The following ELK3 variants were observed in gnomAD, a reference collection of about 807,000 sequenced individuals.
ELK3 encodes the protein ETS transcription factor ELK3.
Under a neutral mutation model 28.9 loss-of-function variants are expected in ELK3, and 10 were observed. That is an observed-to-expected ratio of 0.35 (90% confidence interval 0.21 to 0.59). The LOEUF (loss-of-function observed/expected upper bound fraction) is 0.59, where lower values mean the gene tolerates loss of function less well. Among genes scored for constraint, ELK3 ranks in the 20% least tolerant of loss-of-function variants. The pLI is 0.82. For missense variants in ELK3, 463 were observed against 517.3 expected, an observed-to-expected ratio of 0.90 and a Z score of 1.02; for synonymous variants, 272 against 243.5, an observed-to-expected ratio of 1.12 and a Z score of -1.09.
intron 4 of ELK3, among the ~76,000 whole-genome samples, chr12:96,261,399 G>A (rs1184421593): frequency 1.3e-5 from 2 of 152,154 alleles, no homozygotes; most frequent in African/African-American, 4.8e-5. Context: ...AAAAAGCAAT[G>A]AGCAAATGTT....
intron 4 of ELK3, among the ~76,000 whole-genome samples, chr12:96,262,016 A>AATT (rs1253353300): frequency 8.1e-6 from 1 of 124,192 alleles, no homozygotes; most frequent in Non-Finnish European, 1.7e-5. Flanking sequence ...CCTGATAAAA[A>AATT]CTTTTTTTTT....
rs903053865 is a variant in ELK3, at chr12:96,247,854, G to A, written c.1002+120G>A. On this transcript the variant is annotated intron_variant, in intron 3 of 4. Transcript: ENST00000228741. The surrounding 1 kb of genome is among the most constrained non-coding windows in gnomAD (Gnocchi z 5.5). Reference sequence around the variant, plus strand: ...ACGTTGTCCTATGACTCGTACCGAGGTCACTGTGTAAATGTGAAGGGAAGC... The same window carrying A: ...ACGTTGTCCTATGACTCGTACCGAGATCACTGTGTAAATGTGAAGGGAAGC... 4.8e-6 allele frequency: 6 copies of A among 1,244,428 alleles called. No homozygotes were observed. Among genetic ancestry groups the A allele is most frequent in the Non-Finnish European group, 6.5e-6 (6 of 927,734 alleles). The allele number at this position is 1,244,428 out of a possible 1,614,324, so 77.1% of individuals were successfully genotyped here. A position where few individuals can be genotyped will look rare whatever the true frequency, so the allele number is the denominator to read the frequency against.
intron 4 of ELK3, among the ~76,000 whole-genome samples, chr12:96,260,532 T>G (rs923664491): frequency 6.6e-6 from 1 of 152,070 alleles, no homozygotes; most frequent in Non-Finnish European, 1.5e-5. Flanking sequence ...CTTAGCTGCT[T>G]TATCTTATAG....
chr12:96,205,030 G>A (rs1280602501), intron 1 of ELK3, among the ~76,000 whole-genome samples: 1 of 152,184 alleles, frequency 6.6e-6, no homozygotes, highest in East Asian at 1.9e-4. Flanking sequence ...TGAGAGAATG[G>A]GACAATAGGT....
At chr12:96,199,203 G>C (rs907961240) in intron 1 of ELK3, among the ~76,000 whole-genome samples, 2 of 152,146 alleles carry the variant, frequency 1.3e-5, no homozygotes, top group Non-Finnish European at 2.9e-5. Context: ...AGAGAAACCA[G>C]GTTAAACTGA....
At chr12:96,204,112 C>T (rs1263905982) in intron 1 of ELK3, among the ~76,000 whole-genome samples, 1 of 151,798 alleles carries the variant, frequency 6.6e-6, no homozygotes, top group Non-Finnish European at 1.5e-5. Context: ...TGAGAGTGGT[C>T]GGTTAACAGT....
At chr12:96,206,763 G>A (rs983204850) in intron 1 of ELK3, among the ~76,000 whole-genome samples, 43 of 152,184 alleles carry the variant, frequency 2.8e-4, no homozygotes, top group African/African-American at 1.0e-3. Flanking sequence ...ATGCCCATGT[G>A]GGAATTAAGG....
chr12:96,206,504 A>G (rs142922551), intron 1 of ELK3, among the ~76,000 whole-genome samples: 75 of 151,942 alleles, frequency 4.9e-4, no homozygotes, highest in African/African-American at 1.8e-3. Context: ...TTTAGTAGAG[A>G]TGTTGGCCAG....
chr12:96,258,721 G>C (rs1431510743), intron 3 of ELK3, among the ~76,000 whole-genome samples: 1 of 152,166 alleles, frequency 6.6e-6, no homozygotes, highest in Non-Finnish European at 1.5e-5. Context: ...CTGCCCTCCT[G>C]CTGGCTTGCA....
At chr12:96,240,801 G>A (rs2300552) in intron 2 of ELK3, among the ~76,000 whole-genome samples, 74,535 of 152,012 alleles carry the variant, frequency 0.49, 19,100 homozygotes, top group East Asian at 0.58. Context: ...CCAGAATGAC[G>A]AGGAACTCGC....
At chr12:96,238,227 G>A (rs1387215645) in intron 2 of ELK3, among the ~76,000 whole-genome samples, 1 of 152,358 alleles carries the variant, frequency 6.6e-6, no homozygotes, top group East Asian at 1.9e-4. Context: ...CACTGGGTGA[G>A]GGTCATGTTG....
chr12:96,216,861 C>T (rs757221817), intron 1 of ELK3, among the ~76,000 whole-genome samples: 5 of 152,172 alleles, frequency 3.3e-5, no homozygotes, highest in South Asian at 4.1e-4. Flanking sequence ...CCAGACAGGA[C>T]GAGTCTTTGC....
At chr12:96,201,392 A>G (rs1468201835) in intron 1 of ELK3, among the ~76,000 whole-genome samples, 1 of 152,052 alleles carries the variant, frequency 6.6e-6, no homozygotes, top group Non-Finnish European at 1.5e-5. Context: ...AGGCTGAAGC[A>G]GGCAGATCAC....
chr12:96,260,893 T>A (rs145443412), intron 4 of ELK3, among the ~76,000 whole-genome samples: 1 of 152,200 alleles, frequency 6.6e-6, no homozygotes, highest in African/African-American at 2.4e-5. Context: ...TGATTGCCTG[T>A]TGATCTGGCA....
At chr12:96,228,324 A>G (rs1370912596) in intron 2 of ELK3, among the ~76,000 whole-genome samples, 1 of 146,242 alleles carries the variant, frequency 6.8e-6, no homozygotes, top group Admixed American at 7.0e-5. Context: ...AGGCTGAGGC[A>G]GGAGAATCGC....
chr12:96,223,484 C>T, intron 1 of ELK3, 81 bp from the exon 2 acceptor site: 1 of 1,390,706 alleles, frequency 7.2e-7, no homozygotes, highest in Admixed American at 1.7e-5. Context: ...CTGAGTTGCC[C>T]ATTCTGAAGC....
At chr12:96,257,580 G>A (rs1376648439) in intron 3 of ELK3, among the ~76,000 whole-genome samples, 1 of 152,182 alleles carries the variant, frequency 6.6e-6, no homozygotes, top group African/African-American at 2.4e-5. Context: ...TGTGTTTTGT[G>A]GTTTAGAAGA....
chr12:96,196,342 G>T (rs1229674575), intron 1 of ELK3, among the ~76,000 whole-genome samples: 1 of 151,968 alleles, frequency 6.6e-6, no homozygotes, highest in Non-Finnish European at 1.5e-5. Flanking sequence ...TTTCCCGCGT[G>T]TGTATGTGTG....
At chr12:96,195,234 A>G (rs1951455284) in intron 1 of ELK3, among the ~76,000 whole-genome samples, 1 of 151,708 alleles carries the variant, frequency 6.6e-6, no homozygotes, top group Non-Finnish European at 1.5e-5. Context: ...GGAGGAAGAC[A>G]GGGATGGAGA....
Sources: allele counts gnomAD v4.1 joint callset (sites outside exome capture counted in the v4.1 genomes callset), GRCh38; gene constraint gnomAD v4.1.1; non-coding constraint Gnocchi (gnomAD v3.1); transcripts MANE v1.5; gene names NCBI Gene and HGNC (gene_info 2026-07-23, HGNC 2026-07-21).